The following GFRA1 variants were observed in gnomAD, a reference collection of about 807,000 sequenced individuals.
GFRA1 encodes GDNF family receptor alpha-1.
Under a neutral mutation model 51.6 loss-of-function variants are expected in GFRA1, and 16 were observed. The ratio of observed to expected loss-of-function variants is 0.31; its 90% CI spans 0.21 to 0.47. GFRA1 has a LOEUF of 0.47. GFRA1 is among the 20% of genes least tolerant of loss of function. The pLI is 1.00. For synonymous variants in GFRA1, 270 were observed against 241.3 expected (o/e 1.12, Z -1.10); for missense variants, 530 against 594.3 (o/e 0.89, Z 1.13).
At chr10:116,161,670 C>G (rs1394154307) in intron 5 of GFRA1, among the ~76,000 whole-genome samples, 2 of 152,134 alleles carry the variant, frequency 1.3e-5, no homozygotes, top group Non-Finnish European at 2.9e-5. Flanking sequence ...ATGGGAGTTC[C>G]CCTGCACAAG....
chr10:116,098,226 A>T (rs1267421682), intron 6 of GFRA1, among the ~76,000 whole-genome samples: 1 of 152,246 alleles, frequency 6.6e-6, no homozygotes, highest in African/African-American at 2.4e-5. Flanking sequence ...CTCCCCAGAC[A>T]GGGCCATGTG....
intron 9 of GFRA1, among the ~76,000 whole-genome samples, chr10:116,078,839 G>A (rs1955728812): frequency 6.6e-6 from 1 of 152,136 alleles, no homozygotes; most frequent in African/African-American, 2.4e-5. Flanking sequence ...AAAAGGCCCA[G>A]GCAATGGTAT....
rs776299380 is a variant in GFRA1 at position 116,211,695 on chromosome 10, AG to A, written c.419-51del. ...GGAGGGGAGAGGGGAGAAAGAGAGG[AG>A]AAAAAATATTAATAATAATGTTGAA... On this transcript the variant is annotated intron_variant, in intron 4 of 10. Transcript: ENST00000355422. 5 of 1,419,906 alleles carry A rather than the reference AG, an allele frequency of 3.5e-6. No individual in the cohort carries two copies. In the East Asian group the frequency reaches 7.4e-5, roughly 21 times the overall value. The allele number at this position is 1,419,906 out of a possible 1,614,324, so 88.0% of individuals were successfully genotyped here. A position where few individuals can be genotyped will look rare whatever the true frequency, so the allele number is the denominator to read the frequency against.
chr10:116,113,610 A>G (rs866097601), intron 6 of GFRA1, among the ~76,000 whole-genome samples: 17 of 152,194 alleles, frequency 1.1e-4, no homozygotes, highest in African/African-American at 3.1e-4. Flanking sequence ...TTTACAAGAC[A>G]GGCACATTGT....
intron 5 of GFRA1, among the ~76,000 whole-genome samples, chr10:116,211,278 C>T (rs918797749): frequency 5.9e-5 from 9 of 152,184 alleles, no homozygotes; most frequent in Non-Finnish European, 8.8e-5. Flanking sequence ...GGAGCCCCAA[C>T]GGACAGTGGC....
At chr10:116,178,298 C>CTGG (rs1491125429) in intron 5 of GFRA1, among the ~76,000 whole-genome samples, 1,189 of 34,660 alleles carry the variant, frequency 0.034, 24 homozygotes, top group African/African-American at 0.083. Flanking sequence ...CCACAAGGGG[C>CTGG]CGGGGGGGCG....
At chr10:116,260,615 G>A (rs1473469663) in intron 4 of GFRA1, among the ~76,000 whole-genome samples, 1 of 151,798 alleles carries the variant, frequency 6.6e-6, no homozygotes, top group African/African-American at 2.4e-5. Flanking sequence ...CCCTGTCTAT[G>A]TAAATCCTGG....
intron 8 of GFRA1, among the ~76,000 whole-genome samples, chr10:116,090,393 T>C (rs1956281406): frequency 7.0e-6 from 1 of 143,364 alleles, no homozygotes; most frequent in African/African-American, 2.5e-5. Context: ...TTCCGTGGCA[T>C]TCACATTAAT....
intron 4 of GFRA1, among the ~76,000 whole-genome samples, chr10:116,246,781 C>A (rs1967900494): frequency 6.6e-6 from 1 of 152,000 alleles, no homozygotes; most frequent in Admixed American, 6.6e-5. Flanking sequence ...AATGCATATC[C>A]CCTTATATGG....
At chr10:116,225,595 A>G (rs1297130569) in intron 4 of GFRA1, among the ~76,000 whole-genome samples, 1 of 123,356 alleles carries the variant, frequency 8.1e-6, no homozygotes, top group East Asian at 3.0e-4. Flanking sequence ...GTGTGAAACT[A>G]ATTTTTTTTT....
intron 4 of GFRA1, among the ~76,000 whole-genome samples, chr10:116,258,910 A>C (rs1228524725): frequency 6.6e-6 from 1 of 152,182 alleles, no homozygotes; most frequent in African/African-American, 2.4e-5. Context: ...AATTGGGAGT[A>C]TGTTCAGCCT....
intron 5 of GFRA1, among the ~76,000 whole-genome samples, chr10:116,174,483 T>C (rs1287029770): frequency 6.6e-6 from 1 of 152,216 alleles, no homozygotes; most frequent in Non-Finnish European, 1.5e-5. Flanking sequence ...CTTTTAAGAC[T>C]TCAATGTGTT....
chr10:116,234,251 T>C (rs1024099010), intron 4 of GFRA1, among the ~76,000 whole-genome samples: 7 of 152,210 alleles, frequency 4.6e-5, no homozygotes, highest in South Asian at 2.1e-4. Context: ...GGAAACCTAT[T>C]CAATTCTCAT....
chr10:116,092,307 C>A (rs1315406295), intron 8 of GFRA1, among the ~76,000 whole-genome samples: 1 of 152,152 alleles, frequency 6.6e-6, no homozygotes, highest in East Asian at 1.9e-4. Flanking sequence ...ACTACAGCCA[C>A]ATTATTTGAA....
chr10:116,216,514 C>A (rs2134468947), intron 4 of GFRA1, among the ~76,000 whole-genome samples: 1 of 152,344 alleles, frequency 6.6e-6, no homozygotes, highest in African/African-American at 2.4e-5. Flanking sequence ...CCACACCCCA[C>A]AGTATTAAAG....
chr10:116,088,846 G>A (rs182542403), intron 9 of GFRA1, among the ~76,000 whole-genome samples: 179 of 146,196 alleles, frequency 1.2e-3, no homozygotes, highest in African/African-American at 3.7e-3. Flanking sequence ...GCGTGAACCC[G>A]GGAGGCGGAG....
intron 5 of GFRA1, among the ~76,000 whole-genome samples, chr10:116,149,513 C>T (rs550823608): frequency 4.9e-4 from 74 of 152,284 alleles, no homozygotes; most frequent in Non-Finnish European, 9.0e-4. Context: ...GAAGAAGATA[C>T]ATTCCCCCCT....
intron 10 of GFRA1, among the ~76,000 whole-genome samples, chr10:116,064,809 G>T (rs1955019987): frequency 6.6e-6 from 1 of 152,132 alleles, no homozygotes; most frequent in Non-Finnish European, 1.5e-5. Context: ...AATTCATTTT[G>T]GGGGAAGATA....
chr10:116,123,758 G>T (rs550820172), intron 6 of GFRA1, among the ~76,000 whole-genome samples: 1 of 152,280 alleles, frequency 6.6e-6, no homozygotes, highest in Non-Finnish European at 1.5e-5. Context: ...GCTTCGATCA[G>T]CAATTGAATT....
Sources: allele counts gnomAD v4.1 joint callset (sites outside exome capture counted in the v4.1 genomes callset), GRCh38; gene constraint gnomAD v4.1.1; transcripts MANE v1.5; gene names NCBI Gene and HGNC (gene_info 2026-07-23, HGNC 2026-07-21).